PUM2: variants seen among roughly 807,000 people sequenced by gnomAD.
PUM2 encodes pumilio RNA binding family member 2.
PUM2 carries 57 observed loss-of-function variants against 124.5 expected under a neutral mutation model. That is an observed-to-expected ratio of 0.46 (90% CI 0.37 to 0.57). PUM2 has a LOEUF of 0.57. Ranked by LOEUF, PUM2 falls within the 20% of genes least tolerant of loss-of-function variation. The probability of loss-of-function intolerance (pLI) is 0.00; values close to 1 mark genes in which losing one functional copy is unlikely to be tolerated. For synonymous variants in PUM2, 460 were observed against 446.1 expected (o/e 1.03, Z -0.39); for missense variants, 1,065 against 1,290.6 (o/e 0.83, Z 2.68).
chr2:20,284,141 TTAAG>T (rs943325021), intron 10 of PUM2, among the ~76,000 whole-genome samples: 59 of 152,270 alleles, frequency 3.9e-4, no homozygotes, highest in African/African-American at 1.3e-3. Context: ...AGAAAATGAT[TTAAG>T]TAAGTATTTT....
chr2:20,324,494 A>G (rs1457785937), intron 2 of PUM2, among the ~76,000 whole-genome samples: 2 of 152,204 alleles, frequency 1.3e-5, no homozygotes, highest in Non-Finnish European at 2.9e-5. Context: ...CTTTCCTGTT[A>G]TTTAAAAAAT....
chr2:20,343,237 C>CA (rs1687579222), intron 1 of PUM2, among the ~76,000 whole-genome samples: 1 of 151,718 alleles, frequency 6.6e-6, no homozygotes, highest in Admixed American at 6.6e-5. Context: ...ATAAAACAAA[C>CA]AAAAAAATTA....
intron 13 of PUM2, among the ~76,000 whole-genome samples, chr2:20,266,359 C>T (rs891014785): frequency 6.6e-6 from 1 of 151,832 alleles, no homozygotes; most frequent in African/African-American, 2.4e-5. Context: ...TTGCGAGGAT[C>T]GCTTGAGCCT....
chr2:20,312,173 A>G lies in PUM2; in HGVS notation c.348+63T>C, dbSNP rs1239560080. 5.0e-6 allele frequency: 7 copies of G among 1,402,670 alleles called. No homozygotes were observed. In the East Asian group the frequency reaches 1.7e-4, roughly 34 times the overall value. 86.9% of individuals were successfully genotyped at this position (1,402,670 alleles called of 1,614,324 possible). A position where few individuals can be genotyped will look rare whatever the true frequency, so the allele number is the denominator to read the frequency against. ...AGAAAAACAAATTGAATTAAAAATA[A>G]AAGTAACGTAACCAAATAACTCTCA... On this transcript the variant is annotated intron_variant, in intron 4 of 20. Coordinates refer to ENST00000361078, the MANE Select transcript of PUM2 (RefSeq NM_015317.5).
intron 13 of PUM2, among the ~76,000 whole-genome samples, chr2:20,271,467 C>A (rs143961542): frequency 9.0e-4 from 137 of 152,188 alleles, no homozygotes; most frequent in African/African-American, 3.3e-3. Flanking sequence ...GCACATGTCA[C>A]CGCACCCGGC....
At chr2:20,328,228 C>T (rs991038919) in intron 1 of PUM2, among the ~76,000 whole-genome samples, 4 of 152,196 alleles carry the variant, frequency 2.6e-5, no homozygotes, top group African/African-American at 7.2e-5. Flanking sequence ...CCCAGCTATT[C>T]GGGTGGCAGA....
intron 1 of PUM2, among the ~76,000 whole-genome samples, chr2:20,347,469 C>T (rs1688468228): frequency 6.6e-6 from 1 of 152,144 alleles, no homozygotes; most frequent in South Asian, 2.1e-4. Flanking sequence ...CCTAATAATT[C>T]TATACAGCGT....
intron 9 of PUM2, among the ~76,000 whole-genome samples, chr2:20,293,271 C>G (rs1674673934): frequency 6.6e-6 from 1 of 152,218 alleles, no homozygotes; most frequent in African/African-American, 2.4e-5. Context: ...AAGTAAGCAT[C>G]AAACACAGGT....
At chr2:20,299,516 A>G (rs568215211) in intron 7 of PUM2, among the ~76,000 whole-genome samples, 91 of 152,082 alleles carry the variant, frequency 6.0e-4, no homozygotes, top group African/African-American at 2.2e-3. Context: ...AAAAATATAA[A>G]AATTAGCTGG....
chr2:20,297,485 A>G, intron 8 of PUM2, 68 bp downstream of exon 8: 6 of 1,331,352 alleles, frequency 4.5e-6, no homozygotes, highest in Non-Finnish European at 6.0e-6. Flanking sequence ...AGAGAAAAAT[A>G]AAGCTTACAC....
At chr2:20,334,157 A>G (rs140908605) in intron 1 of PUM2, among the ~76,000 whole-genome samples, 1 of 151,790 alleles carries the variant, frequency 6.6e-6, no homozygotes, top group African/African-American at 2.4e-5. Context: ...ATTTTTTTTT[A>G]AAAAATTAGC....
At chr2:20,349,293 ATTTTATT>A (rs1345135046) in intron 1 of PUM2, among the ~76,000 whole-genome samples, 7 of 152,206 alleles carry the variant, frequency 4.6e-5, no homozygotes, top group Admixed American at 6.5e-5. Context: ...CTGAAATAAA[ATTTTATT>A]TTTAAGATTA....
chr2:20,280,885 TTA>T (rs1219355171), intron 12 of PUM2, among the ~76,000 whole-genome samples: 7 of 152,170 alleles, frequency 4.6e-5, no homozygotes, highest in Admixed American at 2.0e-4. Flanking sequence ...ATGATTTAAA[TTA>T]TATGTTACGA....
chr2:20,346,066 T>C (rs1219364670), intron 1 of PUM2, among the ~76,000 whole-genome samples: 1 of 152,164 alleles, frequency 6.6e-6, no homozygotes, highest in Non-Finnish European at 1.5e-5. Context: ...ATAATTTAGA[T>C]ATTAAGACGA....
rs1405632140 is a variant in PUM2, at chr2:20,318,448, T to C, written c.160+89A>G. On this transcript the variant is annotated intron_variant, in intron 3 of 20. Coordinates refer to ENST00000361078, the MANE Select transcript of PUM2 (RefSeq NM_015317.5). ...AAAACTATACAAAAAATGCAAAAAT[T>C]TGGAGACTCACTCTAAAAAAAAAGG... 5 of 1,203,190 alleles carry C rather than the reference T, an allele frequency of 4.2e-6. No homozygotes were observed. The African/African-American group carries it at 4.6e-5, about 11-fold the overall frequency. The allele number at this position is 1,203,190 out of a possible 1,614,324, so 74.5% of individuals were successfully genotyped here.
intron 2 of PUM2, among the ~76,000 whole-genome samples, chr2:20,326,760 G>A (rs1323064023): frequency 6.6e-6 from 1 of 152,160 alleles, no homozygotes; most frequent in Non-Finnish European, 1.5e-5. Flanking sequence ...TTACAGGGGA[G>A]ACAAGTGTAA....
At position 20,318,528 on chromosome 2, in the gene PUM2, G is replaced by T. The variant is rs778441844; in HGVS notation, c.160+9C>A. 24 of 1,588,038 alleles carry T rather than the reference G, an allele frequency of 1.5e-5. No homozygotes were observed. Among genetic ancestry groups the T allele is most frequent in the Admixed American group, 8.4e-5 (5 of 59,848 alleles). On this transcript the variant is annotated intron_variant, in intron 3 of 20. Transcript: ENST00000361078. ...ATTCACAATTCTCACACATATACCA[G>T]TAACTTACGAGAAGCTCCCCATGCA...
chr2:20,345,015 T>C (rs1434723186), intron 1 of PUM2, among the ~76,000 whole-genome samples: 1 of 147,320 alleles, frequency 6.8e-6, no homozygotes, highest in Non-Finnish European at 1.5e-5. Context: ...GAAAAGAAGA[T>C]TCCGCTTTAC....
At chr2:20,350,549 T>G (rs1364816752) in intron 1 of PUM2, 48 bp downstream of exon 1, 2 of 985,408 alleles carry the variant, frequency 2.0e-6, no homozygotes, top group Non-Finnish European at 2.4e-6. Context: ...GGAGCCATCC[T>G]CGACGGCGCC....
Sources: allele counts gnomAD v4.1 joint callset (sites outside exome capture counted in the v4.1 genomes callset), GRCh38; gene constraint gnomAD v4.1.1; transcripts MANE v1.5; gene names NCBI Gene and HGNC (gene_info 2026-07-23, HGNC 2026-07-21).